The following SMOX variants were observed in gnomAD, a reference collection of about 807,000 sequenced individuals.
The protein encoded by SMOX is spermine oxidase.
In SMOX, 22 loss-of-function variants were observed where a neutral mutation model predicts 51.0. That is an observed-to-expected ratio of 0.43 (90% confidence interval 0.31 to 0.62). The LOEUF is 0.62. Ranked by LOEUF, SMOX falls within the 20% of genes least tolerant of loss-of-function variation. SMOX has a pLI of 0.10. For synonymous variants in SMOX, 282 were observed against 307.8 expected (o/e 0.92, Z 0.88); for missense variants, 566 against 777.7 (o/e 0.73, Z 3.24).
Position 4,170,692 on chromosome 20 carries a change from G to A in SMOX, c.-26-4338G>A, listed in dbSNP as rs531401405. ...CTCTGAGTCTTTATTCTATTCATCCGTCTTTGGCAACCCTGCCACAGGACG... is the reference window on the plus strand; with the variant it reads ...CTCTGAGTCTTTATTCTATTCATCCATCTTTGGCAACCCTGCCACAGGACG... On this transcript the variant is annotated intron_variant, in intron 1 of 6. Coordinates refer to ENST00000305958, the MANE Select transcript of SMOX (RefSeq NM_175839.3). This position sits in a 1 kb window ranked among gnomAD's most constrained non-coding sequence, Gnocchi z 4.6. Among the ~76,000 whole-genome samples, 121 of 152,264 alleles carry A rather than the reference G, an allele frequency of 7.9e-4. No homozygotes were observed. Among genetic ancestry groups the A allele is most frequent in the African/African-American group, 2.6e-3 (109 of 41,550 alleles).
Position 4,170,720 on chromosome 20 carries a change from GT to G in SMOX, c.-26-4305del, listed in dbSNP as rs1019574327. Among the ~76,000 whole-genome samples the G allele has an allele frequency of 6.6e-5, 10 of 152,210 alleles. No homozygotes were observed. The highest frequency in any genetic ancestry group is 2.2e-4 in the African/African-American group (9 of 41,512). ...TTTGGCAACCCTGCCACAGGACGGGGTTTTTCCTCCCTCTTTTCCTCTCTCC... is the reference window on the plus strand; with the variant it reads ...TTTGGCAACCCTGCCACAGGACGGGGTTTTCCTCCCTCTTTTCCTCTCTCC... On this transcript the variant is annotated intron_variant, in intron 1 of 6. Transcript: ENST00000305958. The surrounding 1 kb of genome is among the most constrained non-coding windows in gnomAD (Gnocchi z 4.6).
intron 1 of SMOX, among the ~76,000 whole-genome samples, chr20:4,161,368 G>A (rs987684388): frequency 1.3e-5 from 2 of 152,194 alleles, no homozygotes; most frequent in African/African-American, 4.8e-5. Context: ...CTGATAGCCC[G>A]GAGGAGAGAA....
Position 4,177,536 on chromosome 20 carries a change from C to T in SMOX, c.394C>T (p.Pro132Ser). The T allele has an allele frequency of 6.3e-7, 1 of 1,596,606 alleles. No homozygotes were observed. The change falls in exon 3 of 7, where the codon CCC becomes TCC. Residue 132 changes from proline to serine, a missense_variant. Pro to Ser is a moderately conservative substitution (Grantham distance 74). This residue lies in a region of SMOX where 217 missense variants were observed against 278.4 expected (regional missense o/e 0.78). Coordinates refer to ENST00000305958, the MANE Select transcript of SMOX (RefSeq NM_175839.3). This position sits in a 1 kb window ranked among gnomAD's most constrained non-coding sequence, Gnocchi z 4.3. ...CCTTACCAACCACGGCCGCAGGATCCCCAAGGACGTGGTTGAGGAATTCAG... is the reference window on the plus strand; with the variant it reads ...CCTTACCAACCACGGCCGCAGGATCTCCAAGGACGTGGTTGAGGAATTCAG... ...CYLTNHGRRIPKDVVEEFSDL... is the reference protein window; with the variant it reads ...CYLTNHGRRISKDVVEEFSDL...
At chr20:4,154,084 C>T (rs966067818) in intron 1 of SMOX, among the ~76,000 whole-genome samples, 6 of 152,030 alleles carry the variant, frequency 3.9e-5, no homozygotes, top group African/African-American at 7.2e-5. Context: ...CGGCTTTGGC[C>T]GACAGAGGAG....
intron 1 of SMOX, 44 bp from the exon 2 acceptor site, chr20:4,174,986 G>A (rs1225800531): frequency 1.3e-6 from 2 of 1,585,034 alleles, no homozygotes; most frequent in Non-Finnish European, 1.7e-6. Context: ...CAGGTGGGAA[G>A]TGAAGGCAGA....
At chr20:4,152,523 G>A (rs1274156525) in intron 1 of SMOX, among the ~76,000 whole-genome samples, 1 of 152,128 alleles carries the variant, frequency 6.6e-6, no homozygotes, top group Non-Finnish European at 1.5e-5. Flanking sequence ...GGGGGACAGG[G>A]GTGGACTGAG....
At chr20:4,158,106 T>G (rs1418096210) in intron 1 of SMOX, among the ~76,000 whole-genome samples, 1 of 149,980 alleles carries the variant, frequency 6.7e-6, no homozygotes, top group Non-Finnish European at 1.5e-5. Flanking sequence ...TTCACCTTGT[T>G]AGCCAGGATG....
chr20:4,178,078 G>C (rs747005083), intron 3 of SMOX, among the ~76,000 whole-genome samples: 6 of 152,206 alleles, frequency 3.9e-5, no homozygotes, highest in Non-Finnish European at 4.4e-5. Flanking sequence ...GTCTCGCTCT[G>C]TCGTCCAGGC....
At position 4,183,065 on chromosome 20, in the gene SMOX, C is replaced by A; in HGVS notation, c.1369+217C>A. On this transcript the variant is annotated intron_variant, in intron 5 of 6. Coordinates refer to ENST00000305958, the MANE Select transcript of SMOX (RefSeq NM_175839.3). The surrounding 1 kb of genome is among the most constrained non-coding windows in gnomAD (Gnocchi z 4.3). The stretch of plus-strand genomic sequence containing the variant: ...ACTCAGAATTATGGGCGCTGTGTCT[C>A]TTCCCCCTTTCTAAAGGCTGATGGT... 1 of 641,430 alleles carries A rather than the reference C, an allele frequency of 1.6e-6. No homozygotes were observed. The highest frequency in any genetic ancestry group is 2.6e-6 in the Non-Finnish European group (1 of 378,984). 39.7% of individuals were successfully genotyped at this position (641,430 alleles called of 1,614,324 possible).
At chr20:4,162,886 T>C (rs1176879239) in intron 1 of SMOX, among the ~76,000 whole-genome samples, 1 of 152,040 alleles carries the variant, frequency 6.6e-6, no homozygotes, top group Non-Finnish European at 1.5e-5. Flanking sequence ...CAGAGGGTGT[T>C]GAGATGCAGA....
At position 4,177,367 on chromosome 20, in the gene SMOX, G is replaced by C. The variant is rs1466325645; in HGVS notation, c.225G>C (p.Glu75Asp). ...CACCCTCAGGACACGCCACCTTTGA[G>C]CTGGGAGCCACCTGGATCCATGGCT... ...QSVKLGHATF[E>D]LGATWIHGSH... Residue 75 changes from glutamate to aspartate, a missense_variant, in exon 3 of 7, where the codon GAG (glutamate) becomes GAC (aspartate). This residue lies in a region of SMOX where 217 missense variants were observed against 278.4 expected (regional missense o/e 0.78). Transcript: ENST00000305958. The surrounding 1 kb of genome is among the most constrained non-coding windows in gnomAD (Gnocchi z 4.3). 1 of 1,552,450 alleles carries C rather than the reference G, an allele frequency of 6.4e-7. No individual in the cohort carries two copies. Among genetic ancestry groups the C allele is most frequent in the East Asian group, 2.4e-5 (1 of 41,032 alleles).
chr20:4,160,398 G>A (rs918052470), intron 1 of SMOX, among the ~76,000 whole-genome samples: 7 of 152,194 alleles, frequency 4.6e-5, no homozygotes, highest in South Asian at 4.1e-4. Flanking sequence ...TGGGGAGGCT[G>A]AGTAGGGGGG....
chr20:4,184,929 A>T (rs2122596882), intron 6 of SMOX, among the ~76,000 whole-genome samples: 1 of 152,332 alleles, frequency 6.6e-6, no homozygotes, highest in African/African-American at 2.4e-5. Flanking sequence ...CATCTTCAAG[A>T]CCATCTTGTG....
intron 1 of SMOX, among the ~76,000 whole-genome samples, chr20:4,159,795 CCT>C (rs1472274248): frequency 1.3e-5 from 2 of 152,198 alleles, no homozygotes; most frequent in Non-Finnish European, 2.9e-5. Flanking sequence ...GCGCATGGCC[CCT>C]GTGTGCATTC....
chr20:4,186,012 T>A (rs1475872379), intron 6 of SMOX, among the ~76,000 whole-genome samples: 1 of 152,166 alleles, frequency 6.6e-6, no homozygotes, highest in Non-Finnish European at 1.5e-5. Flanking sequence ...GATTAAAAAC[T>A]GCATTCTGGC....
chr20:4,155,695 G>T (rs1985990211), intron 1 of SMOX, among the ~76,000 whole-genome samples: 1 of 152,140 alleles, frequency 6.6e-6, no homozygotes, highest in African/African-American at 2.4e-5. Context: ...CATCCGGGTT[G>T]TTTTGGGGGT....
chr20:4,155,113 C>T (rs1032721009), intron 1 of SMOX, among the ~76,000 whole-genome samples: 2 of 152,138 alleles, frequency 1.3e-5, no homozygotes, highest in African/African-American at 4.8e-5. Context: ...CTGTCCACAG[C>T]CGAGCCTGGC....
Position 4,183,594 on chromosome 20 carries a change from C to T in SMOX, c.1470C>T (p.Ser490=), listed in dbSNP as rs757237978. The T allele has an allele frequency of 3.4e-5, 55 of 1,610,246 alleles. No individual in the cohort carries two copies. The highest frequency in any genetic ancestry group is 5.0e-5 in the Admixed American group (3 of 59,758). Residue 490 remains serine (S), a synonymous_variant, in exon 6 of 7, where the codon AGC becomes AGT. Transcript: ENST00000305958. This position sits in a 1 kb window ranked among gnomAD's most constrained non-coding sequence, Gnocchi z 4.3. ...ATTCATACACGCAGGTGGGCTCCAGCGGGGCGGATGTGGAGAAGCTGGCCA... is the reference window on the plus strand; with the variant it reads ...ATTCATACACGCAGGTGGGCTCCAGTGGGGCGGATGTGGAGAAGCTGGCCA... ...GSYSYTQVGS[S]GADVEKLAKP...
At chr20:4,158,067 AT>A (rs1272256721) in intron 1 of SMOX, among the ~76,000 whole-genome samples, 1 of 148,518 alleles carries the variant, frequency 6.7e-6, no homozygotes, top group African/African-American at 2.5e-5. Context: ...CGCCCGGCTA[AT>A]TTTTTGTATT....
Sources: gnomAD v4.1 joint callset for allele counts (sites outside exome capture counted in the v4.1 genomes callset) on GRCh38, gnomAD v4.1.1 for gene constraint, gnomAD v4.1.1 regional missense constraint, Gnocchi (gnomAD v3.1) non-coding constraint, MANE v1.5 for transcripts, NCBI Gene and HGNC (gene_info 2026-07-23, HGNC 2026-07-21) for gene names.